The following POF1B variants were observed in gnomAD, a reference collection of about 807,000 sequenced individuals.
POF1B encodes protein POF1B.
POF1B carries 53 observed loss-of-function variants against 55.3 expected under a neutral mutation model. That is an observed-to-expected ratio of 0.96 (90% CI 0.77 to 1.20). The LOEUF (loss-of-function observed/expected upper bound fraction) is 1.20, where lower values mean the gene tolerates loss of function less well. Among genes scored for constraint, POF1B ranks in the 50% most tolerant of loss-of-function variants. The pLI is 0.00. For synonymous variants in POF1B, 188 were observed against 148.3 expected, an observed-to-expected ratio of 1.27 and a Z score of -1.95; for missense variants, 478 against 420.5, an observed-to-expected ratio of 1.14 and a Z score of -1.20.
chrX:85,300,709 C>G (rs952725142), intron 15 of POF1B, among the ~76,000 whole-genome samples: 2 of 111,585 alleles, frequency 1.8e-5, no homozygotes, highest in Non-Finnish European at 3.8e-5. Context: ...TTGAAACTAT[C>G]CATTAAGAAG....
In POF1B at chrX:85,285,006, A is replaced by G. The variant is rs957700445; in HGVS notation, c.1650-2689T>C. Among the ~76,000 whole-genome samples the G allele has an allele frequency of 2.7e-5, 3 of 112,290 alleles. No homozygotes were observed. The Admixed American group carries it at 2.8e-4, about 11-fold the overall frequency. ...CAAAAAGTGGGCAAAGGATATGAAC[A>G]GACACTTCTCAAAAGAAGACATTTA... On this transcript the variant is annotated intron_variant, in intron 15 of 16. Coordinates refer to ENST00000262753, the MANE Select transcript of POF1B (RefSeq NM_024921.4).
chrX:85,315,682 G>T, intron 8 of POF1B, 25 bp downstream of exon 8: 2 of 1,124,778 alleles, frequency 1.8e-6, no homozygotes, highest in Non-Finnish European at 2.4e-6. Context: ...TACTATATTC[G>T]ATTTTCAACT....
At chrX:85,303,359 A>G (rs759765877) in intron 15 of POF1B, 47 bp downstream of exon 15, 2 of 887,507 alleles carry the variant, frequency 2.3e-6, no homozygotes, top group African/African-American at 2.0e-5. Flanking sequence ...AACTTGGATT[A>G]TATGATCATA....
At chrX:85,346,748 A>G (rs1238565229) in intron 5 of POF1B, among the ~76,000 whole-genome samples, 1 of 110,891 alleles carries the variant, frequency 9.0e-6, no homozygotes, top group Non-Finnish European at 1.9e-5. Context: ...GTTGATTACT[A>G]CAAAGTAGGT....
rs200508166 is a variant in POF1B at position 85,328,168 on chromosome X, T to TTTTATTTA, written c.854+2773_854+2780dup. Among the ~76,000 whole-genome samples, 815 of 100,492 alleles carry TTTTATTTA rather than the reference T, an allele frequency of 8.1e-3. 6 individuals carry two copies. The highest frequency in any genetic ancestry group is 0.01 in the East Asian group (31 of 2,966). The allele number at this position is 100,492 out of a possible 115,157, so 87.3% of individuals were successfully genotyped here. ...TGACACTCCCTGTATACAATATCTT[T>TTTTATTTA]TTTATTTATTTATTTATTTATTTAT... On this transcript the variant is annotated intron_variant, in intron 7 of 16. Coordinates refer to ENST00000262753, the MANE Select transcript of POF1B (RefSeq NM_024921.4).
intron 5 of POF1B, among the ~76,000 whole-genome samples, chrX:85,349,070 A>C (rs1933328236): frequency 3.6e-5 from 4 of 111,173 alleles, no homozygotes; most frequent in Non-Finnish European, 7.6e-5. Context: ...ATGTCCAGAA[A>C]TATTCTGCTG....
At chrX:85,296,570 T>G (rs771374792) in intron 15 of POF1B, among the ~76,000 whole-genome samples, 44 of 112,232 alleles carry the variant, frequency 3.9e-4, no homozygotes, top group Admixed American at 2.7e-3. Context: ...AGAACCACAA[T>G]CTTTTCTGGC....
chrX:85,293,951 G>A (rs192871976), intron 15 of POF1B, among the ~76,000 whole-genome samples: 24 of 105,504 alleles, frequency 2.3e-4, no homozygotes, highest in Non-Finnish European at 2.3e-4. Flanking sequence ...TCCAGTCTGG[G>A]TGACAGAGCA....
chrX:85,378,157 C>T (rs1184053432), intron 2 of POF1B, among the ~76,000 whole-genome samples: 2 of 111,066 alleles, frequency 1.8e-5, no homozygotes, highest in Non-Finnish European at 3.8e-5. Context: ...TTTTCTCAAC[C>T]AGTTGAGAAA....
At chrX:85,337,627 A>G (rs1330234662) in intron 6 of POF1B, among the ~76,000 whole-genome samples, 1 of 111,826 alleles carries the variant, frequency 8.9e-6, no homozygotes, top group Non-Finnish European at 1.9e-5. Flanking sequence ...AATTGAATGT[A>G]CTGTACAATA....
chrX:85,344,621 T>C (rs1933234253), intron 6 of POF1B, among the ~76,000 whole-genome samples: 1 of 111,684 alleles, frequency 9.0e-6, no homozygotes, highest in African/African-American at 3.2e-5. Flanking sequence ...CAATTTCAAA[T>C]GATCTAATCT....
chrX:85,324,223 T>C (rs986826018), intron 7 of POF1B, among the ~76,000 whole-genome samples: 4 of 111,991 alleles, frequency 3.6e-5, no homozygotes, highest in Non-Finnish European at 7.5e-5. Context: ...TGTAGCTATC[T>C]GTTAGGTCCA....
chrX:85,292,211 T>C (rs747473782), intron 15 of POF1B, among the ~76,000 whole-genome samples: 20 of 112,144 alleles, frequency 1.8e-4, no homozygotes, highest in African/African-American at 6.2e-4. Context: ...TTTTTGTCTT[T>C]AGCTGTGTTT....
chrX:85,282,514 T>G (rs895678530), intron 15 of POF1B, among the ~76,000 whole-genome samples, 197 bp from the exon 16 acceptor site: 1 of 110,131 alleles, frequency 9.1e-6, no homozygotes, highest in African/African-American at 3.3e-5. Context: ...TTCAAGAAAA[T>G]AAAATAGAGG....
intron 13 of POF1B, 36 bp from the exon 14 acceptor site, chrX:85,304,507 C>T (rs1163944010): frequency 1.1e-6 from 1 of 881,922 alleles, no homozygotes; most frequent in Non-Finnish European, 1.5e-6. Flanking sequence ...TTATTATAAT[C>T]TTCATATAGA....
chrX:85,347,615 T>G (rs1228304608), intron 5 of POF1B, among the ~76,000 whole-genome samples: 1 of 110,967 alleles, frequency 9.0e-6, no homozygotes, highest in Non-Finnish European at 1.9e-5. Context: ...ACTTTAAAAT[T>G]TTTCCATGTA....
chrX:85,308,377 A>C (rs1167836497), intron 9 of POF1B, among the ~76,000 whole-genome samples, 161 bp from the exon 10 acceptor site: 3 of 111,941 alleles, frequency 2.7e-5, no homozygotes, highest in Non-Finnish European at 5.6e-5. Flanking sequence ...AGTGTGTTTA[A>C]GTAATCCAAA....
intron 5 of POF1B, among the ~76,000 whole-genome samples, chrX:85,350,621 A>G (rs1459852301): frequency 9.0e-6 from 1 of 111,538 alleles, no homozygotes; most frequent in Non-Finnish European, 1.9e-5. Context: ...GACTTCCACA[A>G]TGGTTGAACT....
At chrX:85,292,678 T>C (rs1484968750) in intron 15 of POF1B, among the ~76,000 whole-genome samples, 1 of 111,227 alleles carries the variant, frequency 9.0e-6, no homozygotes, top group Non-Finnish European at 1.9e-5. Flanking sequence ...TGGGAGGGTG[T>C]ATGTGTCCAG....
Sources: allele counts gnomAD v4.1 joint callset (sites outside exome capture counted in the v4.1 genomes callset), GRCh38; gene constraint gnomAD v4.1.1; transcripts MANE v1.5; gene names NCBI Gene and HGNC (gene_info 2026-07-23, HGNC 2026-07-21).